The following OPCML variants were observed in gnomAD, a reference collection of about 807,000 sequenced individuals.
OPCML encodes the protein opioid-binding protein/cell adhesion molecule.
In OPCML, 13 loss-of-function variants were observed where a neutral mutation model predicts 37.8. The observed-to-expected ratio is 0.34, with a 90% confidence interval of 0.22 to 0.55. The LOEUF is 0.55. OPCML is among the 20% of genes least tolerant of loss of function. OPCML has a pLI of 0.91. For missense variants in OPCML, 341 were observed against 435.6 expected (o/e 0.78, Z 1.93); for synonymous variants, 176 against 168.8 (o/e 1.04, Z -0.33).
chr11:133,391,074 G>A (rs1463540452), intron 1 of OPCML, among the ~76,000 whole-genome samples: 1 of 152,306 alleles, frequency 6.6e-6, no homozygotes, highest in African/African-American at 2.4e-5. Context: ...ACGACTCAGC[G>A]GAAGAAGAAG....
At chr11:133,020,566 T>C (rs1157351800) in intron 1 of OPCML, among the ~76,000 whole-genome samples, 1 of 152,216 alleles carries the variant, frequency 6.6e-6, no homozygotes, top group Non-Finnish European at 1.5e-5. Flanking sequence ...CTGTCTGTAC[T>C]GCAGAGCAGG....
Position 133,206,582 on chromosome 11 carries a change from G to T in OPCML, c.62-263572C>A, listed in dbSNP as rs1424006727. The stretch of plus-strand genomic sequence containing the variant: ...AGCCACTAATAAATGAAGGGTAGTA[G>T]ATTTGGAAAGCTGTTTATAGGCTGT... On this transcript the variant is annotated intron_variant, in intron 1 of 7. Coordinates refer to ENST00000524381, the MANE Select transcript of OPCML (RefSeq NM_001012393.5). The surrounding 1 kb of genome is among the most constrained non-coding windows in gnomAD (Gnocchi z 4.7). Among the ~76,000 whole-genome samples the T allele has an allele frequency of 6.6e-6, 1 of 152,172 alleles. No homozygotes were observed. The highest frequency in any genetic ancestry group is 1.5e-5 in the Non-Finnish European group (1 of 68,036).
At position 133,101,217 on chromosome 11, in the gene OPCML, C is replaced by T. The variant is rs57209430; in HGVS notation, c.62-158207G>A. 4.3e-3 allele frequency among the ~76,000 whole-genome samples: 653 copies of T among 152,296 alleles called. 3 individuals carry two copies. The highest frequency in any genetic ancestry group is 0.02 in the Middle Eastern group (6 of 294). ...GGGTGACAAGTGTGAGCCACCACGC[C>T]CAGCCCACAACAGTGAGTTATTTAG... is the stretch of plus-strand genomic sequence containing the variant. On this transcript the variant is annotated intron_variant, in intron 1 of 7. Transcript: ENST00000524381.
chr11:132,820,332 C>T (rs1306701382), intron 2 of OPCML, among the ~76,000 whole-genome samples: 1 of 152,102 alleles, frequency 6.6e-6, no homozygotes, highest in Non-Finnish European at 1.5e-5. Context: ...TTTATTATTC[C>T]ATATGTAGGT....
intron 2 of OPCML, among the ~76,000 whole-genome samples, chr11:132,876,699 T>G (rs11824635): frequency 0.43 from 65,005 of 152,038 alleles, 14,787 homozygotes; most frequent in African/African-American, 0.56. Flanking sequence ...GGATGAGCTA[T>G]CACCCCAGTT....
intron 1 of OPCML, among the ~76,000 whole-genome samples, chr11:133,410,152 G>A (rs1945613411): frequency 6.6e-6 from 1 of 152,184 alleles, no homozygotes; most frequent in Admixed American, 6.5e-5. Flanking sequence ...AGCTGACACT[G>A]GAGCACTGGT....
chr11:133,000,756 G>C (rs988768256), intron 1 of OPCML, among the ~76,000 whole-genome samples: 2 of 152,188 alleles, frequency 1.3e-5, no homozygotes, highest in Non-Finnish European at 2.9e-5. Flanking sequence ...GGCTTAATAT[G>C]GTTTGTCCCT....
At position 132,415,357 on chromosome 11, in the gene OPCML, A is replaced by T. The variant is rs2095935055; in HGVS notation, c.*4836T>A. On this transcript the variant is annotated 3_prime_UTR_variant, in exon 8 of 8. Coordinates refer to ENST00000524381, the MANE Select transcript of OPCML (RefSeq NM_001012393.5). ...TTTTTTTTAAATCTAAAGGACTCTG[A>T]ACTTGACAGACACATTTTCGTTCAC... 2 of 152,344 alleles carry T rather than the reference A, an allele frequency of 1.3e-5. No homozygotes were observed. Among genetic ancestry groups the T allele is most frequent in the Non-Finnish European group, 2.9e-5 (2 of 68,028 alleles). The allele number at this position is 152,344 out of a possible 1,614,324, so 9.4% of individuals were successfully genotyped here. A position where few individuals can be genotyped will look rare whatever the true frequency, so the allele number is the denominator to read the frequency against.
At chr11:133,370,102 A>C (rs1282393369) in intron 1 of OPCML, among the ~76,000 whole-genome samples, 1 of 152,166 alleles carries the variant, frequency 6.6e-6, no homozygotes, top group African/African-American at 2.4e-5. Context: ...TCAGGTATTA[A>C]ATTTTTGACT....
intron 1 of OPCML, among the ~76,000 whole-genome samples, chr11:133,190,228 T>C (rs561449923): frequency 7.2e-5 from 11 of 152,292 alleles, no homozygotes; most frequent in African/African-American, 2.2e-4. Context: ...AGACAAAAGA[T>C]GGAAAAGCTG....
At chr11:133,462,093 A>C (rs145626840) in intron 1 of OPCML, among the ~76,000 whole-genome samples, 1 of 152,196 alleles carries the variant, frequency 6.6e-6, no homozygotes, top group African/African-American at 2.4e-5. Flanking sequence ...TATGAAATTC[A>C]ACCCTTAATT....
chr11:132,657,055 G>A, intron 3 of OPCML, 32 bp downstream of exon 3: 1 of 1,606,064 alleles, frequency 6.2e-7, no homozygotes, highest in South Asian at 1.1e-5. Flanking sequence ...TCACTGACGG[G>A]AATGGCAACC....
At chr11:132,558,066 T>G (rs566436835) in intron 3 of OPCML, among the ~76,000 whole-genome samples, 1 of 152,134 alleles carries the variant, frequency 6.6e-6, no homozygotes, top group South Asian at 2.1e-4. Flanking sequence ...AGGAGATGCA[T>G]TGAAGAGTGG....
intron 3 of OPCML, among the ~76,000 whole-genome samples, chr11:132,532,650 G>T (rs903836121): frequency 6.6e-5 from 10 of 152,044 alleles, no homozygotes; most frequent in African/African-American, 2.2e-4. Flanking sequence ...CCATCCAGAA[G>T]CGTTCATGCA....
intron 2 of OPCML, among the ~76,000 whole-genome samples, chr11:132,729,749 C>G (rs545953807): frequency 6.6e-6 from 1 of 152,298 alleles, no homozygotes; most frequent in African/African-American, 2.4e-5. Flanking sequence ...TGGAGTTTGT[C>G]AGAAAACATC....
intron 1 of OPCML, among the ~76,000 whole-genome samples, chr11:133,495,908 G>A (rs1947776252): frequency 6.6e-6 from 1 of 152,092 alleles, no homozygotes; most frequent in African/African-American, 2.4e-5. Context: ...TGTTTAATTA[G>A]GTCCCAGCTA....
intron 2 of OPCML, among the ~76,000 whole-genome samples, chr11:132,694,586 C>T (rs1943535869): frequency 6.6e-6 from 1 of 152,186 alleles, no homozygotes; most frequent in African/African-American, 2.4e-5. Flanking sequence ...AAATGAACAA[C>T]AACTTTGTGC....
chr11:132,556,282 T>C (rs986353730), intron 3 of OPCML, among the ~76,000 whole-genome samples: 1 of 152,162 alleles, frequency 6.6e-6, no homozygotes, highest in South Asian at 2.1e-4. Context: ...CCAGAACATA[T>C]TAATTCTAAG....
chr11:132,831,778 A>G (rs1339591192), intron 2 of OPCML, among the ~76,000 whole-genome samples: 1 of 150,902 alleles, frequency 6.6e-6, no homozygotes, highest in Non-Finnish European at 1.5e-5. Flanking sequence ...TCAAATTTGT[A>G]TAAGCACAGA....
Sources: gnomAD v4.1 joint callset for allele counts (sites outside exome capture counted in the v4.1 genomes callset) on GRCh38, gnomAD v4.1.1 for gene constraint, Gnocchi (gnomAD v3.1) non-coding constraint, MANE v1.5 for transcripts, NCBI Gene and HGNC (gene_info 2026-07-23, HGNC 2026-07-21) for gene names.